The following FHIT variants were observed in gnomAD, a reference collection of about 807,000 sequenced individuals.
FHIT encodes fragile histidine triad diadenosine triphosphatase.
FHIT carries 19 observed loss-of-function variants against 17.9 expected under a neutral mutation model. That is an observed-to-expected ratio of 1.06 (90% CI 0.74 to 1.56). FHIT has a LOEUF of 1.56. Ranked by LOEUF, FHIT falls within the 40% of genes most tolerant of loss-of-function variation. The pLI is 0.00. For missense variants in FHIT, 248 were observed against 189.2 expected, an observed-to-expected ratio of 1.31 and a Z score of -1.82; for synonymous variants, 81 against 69.7, an observed-to-expected ratio of 1.16 and a Z score of -0.81.
chr3:60,174,574 A>G (rs1394514143), intron 5 of FHIT, among the ~76,000 whole-genome samples: 1 of 152,110 alleles, frequency 6.6e-6, no homozygotes, highest in Non-Finnish European at 1.5e-5. Context: ...TTTGGCCAAA[A>G]TCACATGGCT....
intron 4 of FHIT, among the ~76,000 whole-genome samples, chr3:60,543,145 G>A (rs945444173): frequency 1.3e-5 from 2 of 152,086 alleles, no homozygotes; most frequent in African/African-American, 4.8e-5. Context: ...GCCACACAAT[G>A]TCTGTTGCAA....
chr3:60,323,486 G>T (rs1352607411), intron 5 of FHIT, among the ~76,000 whole-genome samples: 1 of 152,142 alleles, frequency 6.6e-6, no homozygotes, highest in African/African-American at 2.4e-5. Context: ...GCCCAGGGAG[G>T]TCATACAACC....
intron 1 of FHIT, among the ~76,000 whole-genome samples, chr3:61,220,795 G>C (rs2039815503): frequency 6.6e-6 from 1 of 152,144 alleles, no homozygotes; most frequent in Non-Finnish European, 1.5e-5. Flanking sequence ...TTAGTTTTGA[G>C]TTTTGTTCTT....
intron 3 of FHIT, among the ~76,000 whole-genome samples, chr3:60,873,776 T>C (rs1476663381): frequency 2.6e-5 from 4 of 152,300 alleles, no homozygotes; most frequent in African/African-American, 7.2e-5. Flanking sequence ...GAAAGAAATA[T>C]AACCCAGCTA....
intron 4 of FHIT, among the ~76,000 whole-genome samples, chr3:60,541,225 T>C (rs1242236486): frequency 1.3e-5 from 2 of 152,212 alleles, no homozygotes; most frequent in African/African-American, 4.8e-5. Flanking sequence ...ACCAAGTCCA[T>C]CTGTTTTTCA....
chr3:60,986,715 T>C (rs1354181111), intron 3 of FHIT, among the ~76,000 whole-genome samples: 1 of 152,142 alleles, frequency 6.6e-6, no homozygotes, highest in Admixed American at 6.5e-5. Flanking sequence ...ATGTCAGAGA[T>C]AGCTTCACCA....
chr3:61,079,170 A>T (rs2035057046), intron 2 of FHIT, among the ~76,000 whole-genome samples: 1 of 152,206 alleles, frequency 6.6e-6, no homozygotes, highest in Admixed American at 6.5e-5. Context: ...TTGCAGTCAC[A>T]AAAGCTAGCA....
chr3:59,908,242 C>A (rs963276935), intron 8 of FHIT, among the ~76,000 whole-genome samples: 1 of 152,218 alleles, frequency 6.6e-6, no homozygotes, highest in African/African-American at 2.4e-5. Flanking sequence ...CAGCTTTTTC[C>A]ATCCAGAATT....
At chr3:59,871,803 C>G (rs892776568) in intron 8 of FHIT, among the ~76,000 whole-genome samples, 2 of 152,180 alleles carry the variant, frequency 1.3e-5, no homozygotes, top group African/African-American at 4.8e-5. Flanking sequence ...AGAGTTGTTT[C>G]TCACAAGTAT....
rs778012047 is a variant in FHIT, at chr3:60,114,688, G to A, written c.104-100536C>T. ...TTTGTATTTTTTCTAAAGATGAGGT[G>A]TCACCGTCTTTGCCAGGCTGGTCTC... is the stretch of plus-strand genomic sequence containing the variant. On this transcript the variant is annotated intron_variant, in intron 5 of 9. Transcript: ENST00000492590. Among the ~76,000 whole-genome samples the A allele has an allele frequency of 2.2e-4, 34 of 151,544 alleles. 2 individuals carry two copies. The highest frequency in any genetic ancestry group is 1.5e-5 in the Non-Finnish European group (1 of 67,912).
intron 5 of FHIT, among the ~76,000 whole-genome samples, chr3:60,127,836 G>A (rs1177843312): frequency 6.6e-6 from 1 of 152,010 alleles, no homozygotes; most frequent in African/African-American, 2.4e-5. Context: ...TTACTATGTT[G>A]CCCAGTCTGG....
intron 5 of FHIT, among the ~76,000 whole-genome samples, chr3:60,097,372 G>A (rs796681772): frequency 6.6e-6 from 1 of 152,108 alleles, no homozygotes. Flanking sequence ...GTGCTACAAA[G>A]AGGACACACT....
At chr3:59,906,055 A>G (rs1352088955) in intron 8 of FHIT, among the ~76,000 whole-genome samples, 1 of 152,208 alleles carries the variant, frequency 6.6e-6, no homozygotes, top group Non-Finnish European at 1.5e-5. Flanking sequence ...TCCCTAATGA[A>G]GTTCACTATC....
rs116279701 is a variant in FHIT at position 60,235,592 on chromosome 3, T to G, written c.104-221440A>C. Among the ~76,000 whole-genome samples the G allele has an allele frequency of 7.8e-3, 1,191 of 152,266 alleles. 7 individuals carry two copies. The highest frequency in any genetic ancestry group is 0.034 in the Middle Eastern group (10 of 294). On this transcript the variant is annotated intron_variant, in intron 5 of 9. Coordinates refer to ENST00000492590, the MANE Select transcript of FHIT (RefSeq NM_002012.4). ...TTTGAGAAACTCAAGAAGGAAACAT[T>G]GTATACAGACTCAGACTTAACCTCA...
chr3:61,120,923 C>T (rs1012406854), intron 2 of FHIT, among the ~76,000 whole-genome samples: 3 of 151,776 alleles, frequency 2.0e-5, no homozygotes, highest in African/African-American at 7.3e-5. Flanking sequence ...AGCTGAAAAA[C>T]ACAGCATGAG....
At chr3:60,111,408 T>C (rs1004295447) in intron 5 of FHIT, among the ~76,000 whole-genome samples, 11 of 152,142 alleles carry the variant, frequency 7.2e-5, no homozygotes, top group African/African-American at 2.7e-4. Context: ...ACAACAAAAG[T>C]TGGTAGTGAG....
At chr3:60,707,240 A>G (rs1277907611) in intron 4 of FHIT, among the ~76,000 whole-genome samples, 1 of 152,180 alleles carries the variant, frequency 6.6e-6, no homozygotes, top group African/African-American at 2.4e-5. Flanking sequence ...GATGTGAAAA[A>G]TGGAAACCGT....
chr3:60,209,443 C>T lies in FHIT; in HGVS notation c.104-195291G>A, dbSNP rs1332758945. Among the ~76,000 whole-genome samples, 4 of 152,282 alleles carry T rather than the reference C, an allele frequency of 2.6e-5. No homozygotes were observed. In the East Asian group the frequency reaches 5.8e-4, roughly 22 times the overall value. On this transcript the variant is annotated intron_variant, in intron 5 of 9. Coordinates refer to ENST00000492590, the MANE Select transcript of FHIT (RefSeq NM_002012.4). Reference sequence around the variant, plus strand: ...CAAATGTGTCATTCACTATGTGATACTCCTCTCAATCTCTTCCTCTCACCA... The same window carrying T: ...CAAATGTGTCATTCACTATGTGATATTCCTCTCAATCTCTTCCTCTCACCA...
intron 4 of FHIT, among the ~76,000 whole-genome samples, chr3:60,625,120 A>G (rs113092260): frequency 0.023 from 3,568 of 152,122 alleles, 154 homozygotes; most frequent in African/African-American, 0.081. Context: ...TGTTGCCCAG[A>G]CTGGTCTTGA....
Sources: gnomAD v4.1 joint callset for allele counts (sites outside exome capture counted in the v4.1 genomes callset) on GRCh38, gnomAD v4.1.1 for gene constraint, MANE v1.5 for transcripts, NCBI Gene and HGNC (gene_info 2026-07-23, HGNC 2026-07-21) for gene names.